TBC1D4: variants seen among roughly 807,000 people sequenced by gnomAD.
TBC1D4 encodes the protein TBC1 domain family member 4, also known as TBC (Tre-2, BUB2, CDC16) domain-containing protein.
In TBC1D4, 121 loss-of-function variants were observed where a neutral mutation model predicts 142.5. The ratio of observed to expected loss-of-function variants is 0.85; its 90% CI spans 0.73 to 0.99. The LOEUF (loss-of-function observed/expected upper bound fraction) is 0.99. TBC1D4 is among the 50% of genes least tolerant of loss of function. The pLI is 0.00. For missense variants in TBC1D4, 1,475 were observed against 1,606.6 expected, an observed-to-expected ratio of 0.92 and a Z score of 1.40; for synonymous variants, 630 against 628.2, an observed-to-expected ratio of 1.00 and a Z score of -0.04.
At chr13:75,339,899 G>A (rs1880541712) in intron 7 of TBC1D4, among the ~76,000 whole-genome samples, 1 of 152,166 alleles carries the variant, frequency 6.6e-6, no homozygotes, top group African/African-American at 2.4e-5. Flanking sequence ...CAACTGTTCT[G>A]ACAGCAAAGT....
At chr13:75,299,612 C>T in intron 16 of TBC1D4, 38 bp from the exon 17 acceptor site, 2 of 1,611,642 alleles carry the variant, frequency 1.2e-6, no homozygotes, top group Non-Finnish European at 1.7e-6. Context: ...TTTGAAATGT[C>T]CTCATGCCTT....
intron 17 of TBC1D4, among the ~76,000 whole-genome samples, 170 bp downstream of exon 17, chr13:75,299,160 A>T (rs890483339): frequency 6.6e-5 from 10 of 152,232 alleles, no homozygotes; most frequent in Non-Finnish European, 1.2e-4. Context: ...TTAGAAGTTT[A>T]CCTAAATAGC....
intron 1 of TBC1D4, among the ~76,000 whole-genome samples, chr13:75,461,798 C>A (rs1677879442): frequency 6.6e-6 from 1 of 152,220 alleles, no homozygotes; most frequent in South Asian, 2.1e-4. Flanking sequence ...TTGAAACACT[C>A]TTCAACCAGG....
In TBC1D4 at chr13:75,302,353, T is replaced by C. The variant is rs983778678; in HGVS notation, c.2801A>G (p.Gln934Arg). The C allele has an allele frequency of 1.9e-6, 3 of 1,614,082 alleles. No individual in the cohort carries two copies. The highest frequency in any genetic ancestry group is 3.3e-5 in the Admixed American group (2 of 60,008). Reference protein sequence around the residue: ...RGEIWQFLALQYRLRHRLPNK... With the variant: ...RGEIWQFLALRYRLRHRLPNK... ...AGGCAATCTGTGTCTGAGTCGGTAC[T>C]GTAAAGCCAGAAACTGCCAAATTTC... The change falls in exon 16 of 21, where the codon CAG (glutamine) becomes CGG (arginine). Residue 934 changes from glutamine to arginine, a missense_variant. Transcript: ENST00000377636.
In TBC1D4 at chr13:75,326,198, T is replaced by C. The variant is rs1457199337; in HGVS notation, c.2032A>G (p.Ser678Gly). Residue 678 changes from serine (S) to glycine (G), a missense_variant and splice_region_variant, in exon 10 of 21, where the codon AGC (serine) becomes GGC (glycine). By Grantham distance (56) the Ser-to-Gly change is moderately conservative. Coordinates refer to ENST00000377636, the MANE Select transcript of TBC1D4 (RefSeq NM_014832.5). Reference sequence around the variant, plus strand: ...CATTCTGGAGAGGGTCAGACTCACCTGCACTGTTCACTGGAGCTCTGCCTC... The same window carrying C: ...CATTCTGGAGAGGGTCAGACTCACCCGCACTGTTCACTGGAGCTCTGCCTC... ...LLRQSSSEQC[S>G]NLSSVRRMYK... is the part of the protein sequence containing the mutation. The C allele has an allele frequency of 1.2e-6, 2 of 1,614,142 alleles. No individual in the cohort carries two copies. The highest frequency in any genetic ancestry group is 1.7e-6 in the Non-Finnish European group (2 of 1,180,000).
chr13:75,374,099 C>T (rs1187059904), intron 1 of TBC1D4, among the ~76,000 whole-genome samples: 2 of 152,092 alleles, frequency 1.3e-5, no homozygotes, highest in Non-Finnish European at 2.9e-5. Flanking sequence ...TTTTTGAAGT[C>T]TCTGAAACAT....
chr13:75,370,739 G>C (rs558418430), intron 1 of TBC1D4, among the ~76,000 whole-genome samples: 1 of 152,312 alleles, frequency 6.6e-6, no homozygotes, highest in African/African-American at 2.4e-5. Context: ...TTCAAGAGGA[G>C]ATGTCAGTAG....
At chr13:75,406,506 G>T (rs1174010215) in intron 1 of TBC1D4, among the ~76,000 whole-genome samples, 3 of 152,196 alleles carry the variant, frequency 2.0e-5, no homozygotes, top group African/African-American at 7.2e-5. Context: ...CCAAGGACAT[G>T]TTGCAAAACA....
intron 1 of TBC1D4, among the ~76,000 whole-genome samples, chr13:75,463,576 T>C (rs1348245719): frequency 2.0e-5 from 3 of 152,230 alleles, no homozygotes; most frequent in Non-Finnish European, 1.5e-5. Flanking sequence ...TGAAAAACAC[T>C]GATATATCAC....
intron 10 of TBC1D4, among the ~76,000 whole-genome samples, chr13:75,324,981 C>T (rs145318209): frequency 6.3e-4 from 96 of 152,272 alleles, no homozygotes; most frequent in African/African-American, 2.1e-3. Context: ...GCATAGCAAG[C>T]TTTCACAATG....
At chr13:75,459,813 T>C (rs1887887098) in intron 1 of TBC1D4, among the ~76,000 whole-genome samples, 2 of 152,206 alleles carry the variant, frequency 1.3e-5, no homozygotes, top group African/African-American at 4.8e-5. Context: ...AACAAAAACA[T>C]ATATTTTGTT....
intron 17 of TBC1D4, among the ~76,000 whole-genome samples, chr13:75,299,047 G>A (rs1409021268): frequency 6.6e-6 from 1 of 152,024 alleles, no homozygotes; most frequent in Non-Finnish European, 1.5e-5. Flanking sequence ...ATAGACTTAG[G>A]GCATAAAGGA....
rs567405712 is a variant in TBC1D4 at position 75,362,615 on chromosome 13, A to G, written c.499-8T>C. On this transcript the variant is annotated splice_polypyrimidine_tract_variant and splice_region_variant and intron_variant, in intron 1 of 20. Coordinates refer to ENST00000377636, the MANE Select transcript of TBC1D4 (RefSeq NM_014832.5). The surrounding 1 kb of genome is among the most constrained non-coding windows in gnomAD (Gnocchi z 4.2). Reference sequence around the variant, plus strand: ...GCTAATAACATCAGGAACCTGGGGGAAAAAATTAAAACCCTGATTCTAGTT... The same window carrying G: ...GCTAATAACATCAGGAACCTGGGGGGAAAAATTAAAACCCTGATTCTAGTT... 4.5e-5 allele frequency: 72 copies of G among 1,613,524 alleles called. No homozygotes were observed. In the South Asian group the frequency reaches 7.0e-4, roughly 16 times the overall value.
chr13:75,320,479 C>T (rs1455609169), intron 11 of TBC1D4, among the ~76,000 whole-genome samples: 3 of 151,838 alleles, frequency 2.0e-5, no homozygotes, highest in African/African-American at 7.3e-5. Context: ...TTATAGTTTA[C>T]TAAACAATGA....
chr13:75,381,057 G>A (rs1883819077), intron 1 of TBC1D4, among the ~76,000 whole-genome samples: 1 of 152,118 alleles, frequency 6.6e-6, no homozygotes, highest in African/African-American at 2.4e-5. Flanking sequence ...GATAATACCT[G>A]TAACCTATAA....
intron 1 of TBC1D4, among the ~76,000 whole-genome samples, chr13:75,395,831 A>AAAAAATAAATACAT (rs1884768847): frequency 6.6e-6 from 1 of 152,178 alleles, no homozygotes; most frequent in Non-Finnish European, 1.5e-5. Flanking sequence ...CTCCATCTCA[A>AAAAAATAAATACAT]AAAAATAAAT....
intron 4 of TBC1D4, among the ~76,000 whole-genome samples, chr13:75,349,530 C>T (rs140233353): frequency 8.5e-5 from 13 of 152,104 alleles, no homozygotes; most frequent in Middle Eastern, 3.4e-3. Context: ...AATATAATAC[C>T]GCTCTGTTAA....
intron 1 of TBC1D4, among the ~76,000 whole-genome samples, chr13:75,472,281 TGCTGGCAGGCGCCTGTAGTCCCA>T (rs1455220920): frequency 2.0e-5 from 3 of 151,796 alleles, no homozygotes; most frequent in African/African-American, 7.3e-5. Context: ...TAGCTGGGTG[TGCTGGCAGGCGCCTGTAGTCCCA>T]GCTACTCAGG....
intron 1 of TBC1D4, among the ~76,000 whole-genome samples, chr13:75,410,241 A>C (rs1346283506): frequency 6.6e-6 from 1 of 152,116 alleles, no homozygotes; most frequent in African/African-American, 2.4e-5. Context: ...CCCCCTTTTC[A>C]TTCCAAAGGT....
Sources: gnomAD v4.1 joint callset for allele counts (sites outside exome capture counted in the v4.1 genomes callset) on GRCh38, gnomAD v4.1.1 for gene constraint, Gnocchi (gnomAD v3.1) non-coding constraint, MANE v1.5 for transcripts, NCBI Gene and HGNC (gene_info 2026-07-23, HGNC 2026-07-21) for gene names.